The following DPP10 variants were observed in gnomAD, a reference collection of about 807,000 sequenced individuals.
DPP10 encodes inactive dipeptidyl peptidase 10.
A neutral mutation model predicts 120.9 loss-of-function variants in DPP10; 33 were observed. That is an observed-to-expected ratio of 0.27 (90% CI 0.21 to 0.37). DPP10 has a LOEUF of 0.37. Among genes scored for constraint, DPP10 ranks in the 10% least tolerant of loss-of-function variants. The pLI is 1.00. For missense variants in DPP10, 816 were observed against 942.8 expected (o/e 0.87, Z 1.76); for synonymous variants, 337 against 326.1 (o/e 1.03, Z -0.36).
Position 115,366,060 on chromosome 2 carries a change from G to A in DPP10, c.271+22148G>A, listed in dbSNP as rs1040797873. On this transcript the variant is annotated intron_variant, in intron 3 of 25. Coordinates refer to ENST00000410059, the MANE Select transcript of DPP10 (RefSeq NM_020868.6). ...TTAAAGAAAAAGGACACCATCAGTG[G>A]TTGGCAGTCAGAGCCAGGGATTTTC... Among the ~76,000 whole-genome samples the A allele has an allele frequency of 2.4e-4, 36 of 151,914 alleles. 1 individual carries two copies. The highest frequency in any genetic ancestry group is 2.0e-3 in the Admixed American group (30 of 15,202).
At chr2:115,655,032 T>C (rs2088167772) in intron 5 of DPP10, among the ~76,000 whole-genome samples, 1 of 151,766 alleles carries the variant, frequency 6.6e-6, no homozygotes, top group Non-Finnish European at 1.5e-5. Context: ...TTTTAAAAAT[T>C]ATTCCTCTAA....
intron 3 of DPP10, among the ~76,000 whole-genome samples, chr2:115,412,994 G>C (rs953805407): frequency 8.5e-5 from 13 of 152,082 alleles, no homozygotes; most frequent in African/African-American, 2.9e-4. Context: ...ATATTATCAA[G>C]TGTTCTACCA....
At chr2:115,337,215 C>T (rs540437489) in intron 2 of DPP10, among the ~76,000 whole-genome samples, 2 of 151,586 alleles carry the variant, frequency 1.3e-5, no homozygotes, top group South Asian at 4.2e-4. Flanking sequence ...AGAGGATATG[C>T]TATTATCTTC....
At chr2:115,309,441 G>T in intron 2 of DPP10, 88 bp downstream of exon 2, 1 of 1,249,718 alleles carries the variant, frequency 8.0e-7, no homozygotes, top group Non-Finnish European at 1.1e-6. Context: ...AGCAATATGT[G>T]GTATCTTAGG....
At chr2:115,714,112 C>A (rs2092414228) in intron 7 of DPP10, among the ~76,000 whole-genome samples, 1 of 152,158 alleles carries the variant, frequency 6.6e-6, no homozygotes. Flanking sequence ...CAGAACCACA[C>A]CCACCTTCCA....
intron 1 of DPP10, among the ~76,000 whole-genome samples, chr2:114,453,605 C>T (rs1487900035): frequency 6.6e-6 from 1 of 152,084 alleles, no homozygotes; most frequent in Admixed American, 6.5e-5. Context: ...CACCTGAATG[C>T]CCTCATGGTT....
At chr2:114,901,491 C>T (rs540402377) in intron 1 of DPP10, among the ~76,000 whole-genome samples, 18 of 152,034 alleles carry the variant, frequency 1.2e-4, no homozygotes, top group Non-Finnish European at 1.9e-4. Context: ...CCACCGCGCC[C>T]GGCCACAAAT....
chr2:114,562,126 C>G (rs1688814008), intron 1 of DPP10, among the ~76,000 whole-genome samples: 1 of 152,132 alleles, frequency 6.6e-6, no homozygotes, highest in East Asian at 1.9e-4. Context: ...ATTACAGGTA[C>G]TTTTTTAAAG....
intron 1 of DPP10, among the ~76,000 whole-genome samples, chr2:115,243,274 G>A (rs2058372549): frequency 6.6e-6 from 1 of 152,086 alleles, no homozygotes; most frequent in South Asian, 2.1e-4. Flanking sequence ...TTAGGTATTA[G>A]GGTGATTTCG....
At chr2:115,142,288 G>A (rs1055259893) in intron 1 of DPP10, among the ~76,000 whole-genome samples, 2 of 152,104 alleles carry the variant, frequency 1.3e-5, no homozygotes, top group African/African-American at 4.8e-5. Flanking sequence ...ATCAAGCAGA[G>A]CCACAAAGGG....
At chr2:115,499,025 T>C (rs1167728720) in intron 3 of DPP10, among the ~76,000 whole-genome samples, 3 of 152,038 alleles carry the variant, frequency 2.0e-5, no homozygotes, top group Non-Finnish European at 2.9e-5. Context: ...TTCAAGATGC[T>C]GAATAGGAAT....
intron 1 of DPP10, among the ~76,000 whole-genome samples, chr2:114,493,617 A>G (rs1682196601): frequency 1.0e-5 from 1 of 100,160 alleles, no homozygotes; most frequent in Non-Finnish European, 2.3e-5. Context: ...GAGACACTCA[A>G]TAATTTCGAC....
At chr2:114,684,071 A>C (rs1009681119) in intron 1 of DPP10, among the ~76,000 whole-genome samples, 1 of 151,996 alleles carries the variant, frequency 6.6e-6, no homozygotes, top group Non-Finnish European at 1.5e-5. Flanking sequence ...CTGCTCAGGG[A>C]CAATCCATGT....
At chr2:114,629,073 T>G (rs1694726113) in intron 1 of DPP10, among the ~76,000 whole-genome samples, 1 of 152,194 alleles carries the variant, frequency 6.6e-6, no homozygotes, top group Non-Finnish European at 1.5e-5. Context: ...CCATGGGTTA[T>G]TTTAAATAGT....
intron 7 of DPP10, among the ~76,000 whole-genome samples, chr2:115,690,533 C>T (rs1480989065): frequency 1.3e-5 from 2 of 152,152 alleles, no homozygotes; most frequent in Admixed American, 1.3e-4. Context: ...GTGCTTCAGC[C>T]TCCTGAGTAC....
At chr2:115,115,015 C>A (rs1464321442) in intron 1 of DPP10, among the ~76,000 whole-genome samples, 1 of 151,812 alleles carries the variant, frequency 6.6e-6, no homozygotes, top group South Asian at 2.1e-4. Flanking sequence ...GGTGAGCAGT[C>A]ATAGGGCACT....
At chr2:114,989,033 A>G (rs1157063918) in intron 1 of DPP10, among the ~76,000 whole-genome samples, 1 of 152,222 alleles carries the variant, frequency 6.6e-6, no homozygotes, top group African/African-American at 2.4e-5. Flanking sequence ...AAACAACCAT[A>G]TATCATAAAC....
intron 5 of DPP10, among the ~76,000 whole-genome samples, chr2:115,601,372 T>C (rs191869707): frequency 2.0e-4 from 31 of 152,342 alleles, no homozygotes; most frequent in Non-Finnish European, 2.9e-4. Flanking sequence ...ATCACTCTTG[T>C]AACAGCACAA....
intron 3 of DPP10, among the ~76,000 whole-genome samples, chr2:115,388,076 T>C (rs1421835326): frequency 6.6e-6 from 1 of 152,172 alleles, no homozygotes; most frequent in Non-Finnish European, 1.5e-5. Context: ...ACGTAAAGTT[T>C]CTATGAAAGC....
Sources: gnomAD v4.1 joint callset for allele counts (sites outside exome capture counted in the v4.1 genomes callset) on GRCh38, gnomAD v4.1.1 for gene constraint, MANE v1.5 for transcripts, NCBI Gene and HGNC (gene_info 2026-07-23, HGNC 2026-07-21) for gene names.